The following PARD3 variants were observed in gnomAD, a reference collection of about 807,000 sequenced individuals.
The protein encoded by PARD3 is par-3 family cell polarity regulator, also known as partitioning defective 3 homolog.
A neutral mutation model predicts 155.4 loss-of-function variants in PARD3; 75 were observed. The ratio of observed to expected loss-of-function variants is 0.48; its 90% CI spans 0.40 to 0.58. PARD3 has a LOEUF of 0.58. Ranked by LOEUF, PARD3 falls within the 20% of genes least tolerant of loss-of-function variation. The pLI, the probability that PARD3 is intolerant of heterozygous loss-of-function variation, is 0.00. For synonymous variants in PARD3, 576 were observed against 610.5 expected, an observed-to-expected ratio of 0.94 and a Z score of 0.83; for missense variants, 1,642 against 1,721.7, an observed-to-expected ratio of 0.95 and a Z score of 0.82.
At chr10:34,575,107 A>G (rs1185490217) in intron 2 of PARD3, among the ~76,000 whole-genome samples, 2 of 152,124 alleles carry the variant, frequency 1.3e-5, no homozygotes, top group African/African-American at 4.8e-5. Context: ...AACCTCCCAA[A>G]GTGCTGGGAT....
At chr10:34,138,711 T>C (rs189576270) in intron 22 of PARD3, among the ~76,000 whole-genome samples, 167 of 152,298 alleles carry the variant, frequency 1.1e-3, no homozygotes, top group African/African-American at 3.7e-3. Context: ...GGTAAAGATT[T>C]TTTGTTAACC....
chr10:34,228,766 A>G (rs888696970), intron 22 of PARD3, among the ~76,000 whole-genome samples: 8 of 152,074 alleles, frequency 5.3e-5, no homozygotes, highest in African/African-American at 1.9e-4. Flanking sequence ...ACTTAAATGA[A>G]AAAACAGACC....
chr10:34,689,770 A>G (rs2094016893), intron 2 of PARD3, among the ~76,000 whole-genome samples: 1 of 152,186 alleles, frequency 6.6e-6, no homozygotes, highest in African/African-American at 2.4e-5. Flanking sequence ...ATATGCCACT[A>G]TTTAAAAAGA....
chr10:34,670,447 T>C (rs879581277), intron 2 of PARD3, among the ~76,000 whole-genome samples: 3 of 152,220 alleles, frequency 2.0e-5, no homozygotes, highest in Non-Finnish European at 4.4e-5. Context: ...AGTTCTATTA[T>C]CTTCATATCG....
chr10:34,356,549 T>C (rs752343303), intron 14 of PARD3, among the ~76,000 whole-genome samples: 1 of 152,234 alleles, frequency 6.6e-6, no homozygotes, highest in African/African-American at 2.4e-5. Context: ...AGTTTTCTGA[T>C]TGGCAAAGAC....
At chr10:34,301,036 A>C (rs1285549263) in intron 20 of PARD3, among the ~76,000 whole-genome samples, 1 of 152,188 alleles carries the variant, frequency 6.6e-6, no homozygotes, top group Non-Finnish European at 1.5e-5. Context: ...ATGTCACCTA[A>C]AAGGTCATTT....
chr10:34,217,543 C>T (rs571499750), intron 22 of PARD3, among the ~76,000 whole-genome samples: 2 of 151,888 alleles, frequency 1.3e-5, no homozygotes, highest in Admixed American at 6.5e-5. Context: ...AATGGGGGGC[C>T]GGTGTGTCAA....
chr10:34,581,774 G>T (rs968811461), intron 2 of PARD3, among the ~76,000 whole-genome samples: 1 of 152,066 alleles, frequency 6.6e-6, no homozygotes, highest in African/African-American at 2.4e-5. Flanking sequence ...AGTGCTGGAG[G>T]GGCTGTGAGA....
intron 3 of PARD3, among the ~76,000 whole-genome samples, chr10:34,514,112 A>G (rs1025415221): frequency 2.6e-5 from 4 of 152,194 alleles, no homozygotes; most frequent in African/African-American, 9.6e-5. Context: ...CAAACTTCGT[A>G]TCCATTTTTC....
At chr10:34,727,975 A>AT (rs2094749145) in intron 1 of PARD3, among the ~76,000 whole-genome samples, 1 of 152,002 alleles carries the variant, frequency 6.6e-6, no homozygotes, top group Non-Finnish European at 1.5e-5. Context: ...TCAGCACCCG[A>AT]TATCTGACAA....
intron 1 of PARD3, among the ~76,000 whole-genome samples, chr10:34,786,255 G>A (rs771359994): frequency 6.6e-6 from 1 of 152,190 alleles, no homozygotes; most frequent in African/African-American, 2.4e-5. Context: ...CCCACTCAAT[G>A]TCCCATCCCA....
intron 2 of PARD3, among the ~76,000 whole-genome samples, chr10:34,653,450 T>C (rs529416328): frequency 4.6e-5 from 7 of 152,226 alleles, no homozygotes; most frequent in African/African-American, 1.4e-4. Context: ...ATCTTCACCT[T>C]TGCCCTTGTT....
intron 4 of PARD3, among the ~76,000 whole-genome samples, chr10:34,462,049 T>G (rs889540293): frequency 6.6e-6 from 1 of 152,228 alleles, no homozygotes; most frequent in Non-Finnish European, 1.5e-5. Flanking sequence ...CCATACTGAC[T>G]GAAAGTTCGA....
chr10:34,602,153 G>A (rs2089839663), intron 2 of PARD3, among the ~76,000 whole-genome samples: 1 of 152,242 alleles, frequency 6.6e-6, no homozygotes, highest in South Asian at 2.1e-4. Flanking sequence ...TGAGAAAGTC[G>A]CTGATAAATT....
At chr10:34,793,202 T>C (rs1043401851) in intron 1 of PARD3, among the ~76,000 whole-genome samples, 2 of 151,732 alleles carry the variant, frequency 1.3e-5, no homozygotes, top group African/African-American at 4.8e-5. Context: ...GCAGTGCAGA[T>C]GAAAAAATGG....
intron 22 of PARD3, among the ~76,000 whole-genome samples, chr10:34,228,196 G>A (rs535765672): frequency 6.6e-6 from 1 of 151,932 alleles, no homozygotes; most frequent in East Asian, 1.9e-4. Flanking sequence ...AATTATAAGT[G>A]GGAGCTAAAC....
chr10:34,778,682 A>C (rs762558546), intron 1 of PARD3, among the ~76,000 whole-genome samples: 1 of 152,216 alleles, frequency 6.6e-6, no homozygotes, highest in Non-Finnish European at 1.5e-5. Flanking sequence ...GGTTCCTTTC[A>C]ACTCTAAATT....
intron 22 of PARD3, among the ~76,000 whole-genome samples, chr10:34,154,121 G>A (rs1025482142): frequency 6.6e-6 from 1 of 152,176 alleles, no homozygotes; most frequent in Non-Finnish European, 1.5e-5. Context: ...CAGTAATGGA[G>A]CAGCTGCATC....
intron 2 of PARD3, among the ~76,000 whole-genome samples, chr10:34,644,677 GAAAA>G (rs2092781801): frequency 3.3e-5 from 5 of 152,158 alleles, no homozygotes; most frequent in African/African-American, 1.2e-4. Context: ...TAACAACTAT[GAAAA>G]GCCTTTATGT....
Sources: allele counts gnomAD v4.1 joint callset (sites outside exome capture counted in the v4.1 genomes callset), GRCh38; gene constraint gnomAD v4.1.1; transcripts MANE v1.5; gene names NCBI Gene and HGNC (gene_info 2026-07-23, HGNC 2026-07-21).